Variants in KIRREL3 observed in about 807,000 individuals in gnomAD.
KIRREL3 encodes the protein kirre like nephrin family adhesion molecule 3.
Under a neutral mutation model 89.7 loss-of-function variants are expected in KIRREL3, and 36 were observed. That is an observed-to-expected ratio of 0.40 (90% CI 0.31 to 0.53). The LOEUF (loss-of-function observed/expected upper bound fraction) is 0.53. KIRREL3 is among the 20% of genes least tolerant of loss of function. The pLI is 0.49. For missense variants in KIRREL3, 864 were observed against 1,056.6 expected (o/e 0.82, Z 2.53); for synonymous variants, 445 against 441.4 (o/e 1.01, Z -0.10).
chr11:126,664,480 A>C lies in KIRREL3; in HGVS notation c.56-101568T>G, dbSNP rs537864065. On this transcript the variant is annotated intron_variant, in intron 1 of 16. Coordinates refer to ENST00000525144, the MANE Select transcript of KIRREL3 (RefSeq NM_032531.4). This position sits in a 1 kb window ranked among gnomAD's most constrained non-coding sequence, Gnocchi z 5.4. ...CTACTCTAAATGAAACAGCTCTGTC[A>C]TACTGGGCTAGAGCAATCTCAGGTG... is the stretch of plus-strand genomic sequence containing the variant. 6.6e-6 allele frequency among the ~76,000 whole-genome samples: 1 copy of C among 152,284 alleles called. No homozygotes were observed. The highest frequency in any genetic ancestry group is 2.1e-4 in the South Asian group (1 of 4,812).
chr11:126,828,485 GA>G (rs2134476668), intron 1 of KIRREL3, among the ~76,000 whole-genome samples: 1 of 152,268 alleles, frequency 6.6e-6, no homozygotes, highest in South Asian at 2.1e-4. Context: ...AAATAATATG[GA>G]ATTCTAAAAA....
rs151033038 is a variant in KIRREL3 at position 126,837,532 on chromosome 11, A to G, written c.55+162923T>C. On this transcript the variant is annotated intron_variant, in intron 1 of 16. Transcript: ENST00000525144. This position sits in a 1 kb window ranked among gnomAD's most constrained non-coding sequence, Gnocchi z 4.7. ...GGGAATCGGATCTTGTCTAGGACAC[A>G]GGTCCAGATTTAAAAGAACTCCTCT... Among the ~76,000 whole-genome samples, 421 of 152,300 alleles carry G rather than the reference A, an allele frequency of 2.8e-3. 1 individual carries two copies. The highest frequency in any genetic ancestry group is 8.4e-3 in the African/African-American group (348 of 41,574).
rs922386611 is a variant in KIRREL3 at position 126,997,620 on chromosome 11, T to C, written c.55+2835A>G. 1.3e-5 allele frequency among the ~76,000 whole-genome samples: 2 copies of C among 152,162 alleles called. No individual in the cohort carries two copies. The highest frequency in any genetic ancestry group is 4.8e-5 in the African/African-American group (2 of 41,428). On this transcript the variant is annotated intron_variant, in intron 1 of 16. Coordinates refer to ENST00000525144, the MANE Select transcript of KIRREL3 (RefSeq NM_032531.4). This position sits in a 1 kb window ranked among gnomAD's most constrained non-coding sequence, Gnocchi z 4.3. ...TGTTCTCTGTCTCTCTAAAAGGTTA[T>C]AAGAAAAAGTAAAGGTAAACAAACA... is the stretch of plus-strand genomic sequence containing the variant.
rs780715717 is a variant in KIRREL3 at position 126,766,374 on chromosome 11, A to T, written c.56-203462T>A. Reference sequence around the variant, plus strand: ...CACTCACTCCTACGCGGAGAAGAAAAAACTTGGGGAGAGAGGGGTAGAGTT... The same window carrying T: ...CACTCACTCCTACGCGGAGAAGAAATAACTTGGGGAGAGAGGGGTAGAGTT... On this transcript the variant is annotated intron_variant, in intron 1 of 16. Transcript: ENST00000525144. The surrounding 1 kb of genome is among the most constrained non-coding windows in gnomAD (Gnocchi z 4.2). Among the ~76,000 whole-genome samples, 3 of 152,096 alleles carry T rather than the reference A, an allele frequency of 2.0e-5. No homozygotes were observed. The highest frequency in any genetic ancestry group is 2.9e-5 in the Non-Finnish European group (2 of 68,014).
rs1305264557 is a variant in KIRREL3 at position 126,697,577 on chromosome 11, TG to T, written c.56-134666del. Among the ~76,000 whole-genome samples the T allele has an allele frequency of 6.6e-6, 1 of 152,206 alleles. No individual in the cohort carries two copies. The highest frequency in any genetic ancestry group is 2.4e-5 in the African/African-American group (1 of 41,454). ...TGAATACATGAATAGTGATTAGAGATGAGGCCCCAGGACCTATAGCTTTAGA... is the reference window on the plus strand; with the variant it reads ...TGAATACATGAATAGTGATTAGAGATAGGCCCCAGGACCTATAGCTTTAGA... On this transcript the variant is annotated intron_variant, in intron 1 of 16. Coordinates refer to ENST00000525144, the MANE Select transcript of KIRREL3 (RefSeq NM_032531.4). The surrounding 1 kb of genome is among the most constrained non-coding windows in gnomAD (Gnocchi z 4.2).
At chr11:126,853,615 C>T (rs993890624) in intron 1 of KIRREL3, among the ~76,000 whole-genome samples, 1 of 152,112 alleles carries the variant, frequency 6.6e-6, no homozygotes, top group East Asian at 1.9e-4. Context: ...CACAGCTTCC[C>T]CAGCCTAAGA....
Position 126,486,815 on chromosome 11 carries a change from T to C in KIRREL3, c.434-13349A>G, listed in dbSNP as rs917814195. Among the ~76,000 whole-genome samples, 4 of 152,210 alleles carry C rather than the reference T, an allele frequency of 2.6e-5. No homozygotes were observed. Among genetic ancestry groups the C allele is most frequent in the African/African-American group, 7.2e-5 (3 of 41,454 alleles). ...GGCTGTGCTAGCAGGAGGATCTGCA[T>C]TGGTTCACTTCGGTAGCTTTAATAG... is the stretch of plus-strand genomic sequence containing the variant. On this transcript the variant is annotated intron_variant, in intron 4 of 16. Coordinates refer to ENST00000525144, the MANE Select transcript of KIRREL3 (RefSeq NM_032531.4). This position sits in a 1 kb window ranked among gnomAD's most constrained non-coding sequence, Gnocchi z 6.2.
intron 1 of KIRREL3, among the ~76,000 whole-genome samples, chr11:126,934,242 A>T (rs2135071623): frequency 6.6e-6 from 1 of 152,316 alleles, no homozygotes; most frequent in Non-Finnish European, 1.5e-5. Context: ...AATGGTTCTG[A>T]AACAACTAGA....
rs547206335 is a variant in KIRREL3, at chr11:126,513,063, G to A, written c.433+8252C>T. On this transcript the variant is annotated intron_variant, in intron 4 of 16. Transcript: ENST00000525144. The surrounding 1 kb of genome is among the most constrained non-coding windows in gnomAD (Gnocchi z 5.9). ...GGTCTGGAGAGTTTCCAATGCCCTGGGGATGGTGGTGACACACTCCAGAAC... is the reference window on the plus strand; with the variant it reads ...GGTCTGGAGAGTTTCCAATGCCCTGAGGATGGTGGTGACACACTCCAGAAC... Among the ~76,000 whole-genome samples, 1 of 152,092 alleles carries A rather than the reference G, an allele frequency of 6.6e-6. No homozygotes were observed. Among genetic ancestry groups the A allele is most frequent in the East Asian group, 1.9e-4 (1 of 5,158 alleles).
chr11:126,567,285 T>C (rs1256583669), intron 1 of KIRREL3, among the ~76,000 whole-genome samples: 1 of 152,152 alleles, frequency 6.6e-6, no homozygotes, highest in African/African-American at 2.4e-5. Flanking sequence ...GAAAATCTAG[T>C]GATAGACACA....
At position 126,683,790 on chromosome 11, in the gene KIRREL3, C is replaced by G. The variant is rs1458502635; in HGVS notation, c.56-120878G>C. 1.3e-5 allele frequency among the ~76,000 whole-genome samples: 2 copies of G among 152,222 alleles called. No homozygotes were observed. The highest frequency in any genetic ancestry group is 4.8e-5 in the African/African-American group (2 of 41,462). ...TTCAGCAGGCCTGGCAGCCTCCTCT[C>G]TCTTGGGATGCAAACTGCTTATGTG... On this transcript the variant is annotated intron_variant, in intron 1 of 16. Transcript: ENST00000525144. This position sits in a 1 kb window ranked among gnomAD's most constrained non-coding sequence, Gnocchi z 5.2.
rs1203733924 is a variant in KIRREL3 at position 126,970,895 on chromosome 11, G to C, written c.55+29560C>G. Among the ~76,000 whole-genome samples, 1 of 152,210 alleles carries C rather than the reference G, an allele frequency of 6.6e-6. No homozygotes were observed. Among genetic ancestry groups the C allele is most frequent in the Non-Finnish European group, 1.5e-5 (1 of 68,040 alleles). ...GCTGCCAGGTATCTACGCAGCAGGA[G>C]AACCACAAACAGAAGCACATGGCGG... On this transcript the variant is annotated intron_variant, in intron 1 of 16. Coordinates refer to ENST00000525144, the MANE Select transcript of KIRREL3 (RefSeq NM_032531.4). This position sits in a 1 kb window ranked among gnomAD's most constrained non-coding sequence, Gnocchi z 4.4.
At chr11:126,727,202 C>G (rs1255664158) in intron 1 of KIRREL3, among the ~76,000 whole-genome samples, 3 of 152,210 alleles carry the variant, frequency 2.0e-5, no homozygotes, top group African/African-American at 7.2e-5. Flanking sequence ...GGTGTGGCTC[C>G]AGAAGAGGCA....
rs192903265 is a variant in KIRREL3, at chr11:126,454,256, C to T, written c.848+2093G>A. On this transcript the variant is annotated intron_variant, in intron 7 of 16. Coordinates refer to ENST00000525144, the MANE Select transcript of KIRREL3 (RefSeq NM_032531.4). The surrounding 1 kb of genome is among the most constrained non-coding windows in gnomAD (Gnocchi z 5.8). ...CTTCGTTTCCTGGGTGTTTGCTGTC[C>T]GGGTCAGTAGGCAGGTGTGGGTGGG... Among the ~76,000 whole-genome samples, 13 of 149,328 alleles carry T rather than the reference C, an allele frequency of 8.7e-5. No individual in the cohort carries two copies. In the South Asian group the frequency reaches 8.7e-4, roughly 10 times the overall value.
chr11:126,923,325 T>TTCTC (rs1947541321), intron 1 of KIRREL3, among the ~76,000 whole-genome samples: 1 of 141,730 alleles, frequency 7.1e-6, no homozygotes, highest in African/African-American at 2.8e-5. Context: ...TCTTCCTTCT[T>TTCTC]CTTCTTCCTT....
rs567483550 is a variant in KIRREL3 at position 126,955,006 on chromosome 11, G to C, written c.55+45449C>G. ...TTACACGTGCCCTAGCTCAGCTGAG[G>C]CTGAGAGGCTGGCTGAAGCAGGAAG... On this transcript the variant is annotated intron_variant, in intron 1 of 16. Transcript: ENST00000525144. The surrounding 1 kb of genome is among the most constrained non-coding windows in gnomAD (Gnocchi z 4.6). Among the ~76,000 whole-genome samples, 34 of 152,290 alleles carry C rather than the reference G, an allele frequency of 2.2e-4. No individual in the cohort carries two copies. The highest frequency in any genetic ancestry group is 4.0e-4 in the Non-Finnish European group (27 of 68,020).
chr11:126,905,890 T>C lies in KIRREL3; in HGVS notation c.55+94565A>G, dbSNP rs1946563753. Among the ~76,000 whole-genome samples, 1 of 152,184 alleles carries C rather than the reference T, an allele frequency of 6.6e-6. No individual in the cohort carries two copies. The highest frequency in any genetic ancestry group is 6.5e-5 in the Admixed American group (1 of 15,280). Reference sequence around the variant, plus strand: ...GCACCCAGCCATGCAAAATTCCTGGTGCAGCACAGCTAAGTGAGGATGCAC... The same window carrying C: ...GCACCCAGCCATGCAAAATTCCTGGCGCAGCACAGCTAAGTGAGGATGCAC... On this transcript the variant is annotated intron_variant, in intron 1 of 16. Coordinates refer to ENST00000525144, the MANE Select transcript of KIRREL3 (RefSeq NM_032531.4). The surrounding 1 kb of genome is among the most constrained non-coding windows in gnomAD (Gnocchi z 5.0).
Position 126,436,953 on chromosome 11 carries a change from C to T in KIRREL3, c.1410G>A (p.Val470=). The part of the protein sequence containing the change: ...LESGTSGRYT[V]ETISTEEGVI... ...CGCCCTCCTCGGTGCTGATGGTCTC[C>T]ACCGTATAGCGCCCCGATGTGCCCG... is the stretch of plus-strand genomic sequence containing the variant. The change falls in exon 12 of 17, where the codon GTG becomes GTA. Residue 470 remains valine, a synonymous_variant. Coordinates refer to ENST00000525144, the MANE Select transcript of KIRREL3 (RefSeq NM_032531.4). The T allele has an allele frequency of 1.2e-6, 2 of 1,606,774 alleles. No homozygotes were observed. Among genetic ancestry groups the T allele is most frequent in the Non-Finnish European group, 1.7e-6 (2 of 1,175,900 alleles).
rs181946634 is a variant in KIRREL3 at position 126,871,083 on chromosome 11, C to T, written c.55+129372G>A. Among the ~76,000 whole-genome samples, 45 of 152,276 alleles carry T rather than the reference C, an allele frequency of 3.0e-4. 1 individual carries two copies. The South Asian group carries it at 5.6e-3, about 19-fold the overall frequency. On this transcript the variant is annotated intron_variant, in intron 1 of 16. Transcript: ENST00000525144. ...CTTTTGATGAAAGGAGCAGATGATG[C>T]GAAATACAGTCCAAATGGACTCTTC...
Sources: allele counts gnomAD v4.1 joint callset (sites outside exome capture counted in the v4.1 genomes callset), GRCh38; gene constraint gnomAD v4.1.1; non-coding constraint Gnocchi (gnomAD v3.1); transcripts MANE v1.5; gene names NCBI Gene and HGNC (gene_info 2026-07-23, HGNC 2026-07-21).